Variants in BCL3 observed in about 807,000 individuals in gnomAD.
BCL3 encodes the protein BCL3 transcription coactivator.
BCL3 carries 15 observed loss-of-function variants against 35.7 expected under a neutral mutation model. The ratio of observed to expected loss-of-function variants is 0.42; its 90% CI spans 0.28 to 0.65. The LOEUF is 0.65. BCL3 is among the 30% of genes least tolerant of loss of function. The probability of loss-of-function intolerance (pLI) is 0.22; values close to 1 mark genes in which losing one functional copy is unlikely to be tolerated. For missense variants in BCL3, 565 were observed against 641.7 expected (o/e 0.88, Z 1.29); for synonymous variants, 311 against 284.3 (o/e 1.09, Z -0.95).
At chr19:44,751,094 G>A in intron 1 of BCL3, 133 bp from the exon 2 acceptor site, 1 of 1,185,482 alleles carries the variant, frequency 8.4e-7, no homozygotes, top group East Asian at 2.7e-5. Context: ...TGAGGACCCT[G>A]TATGGGATGC....
At chr19:44,750,737 C>T (rs921818807) in intron 1 of BCL3, among the ~76,000 whole-genome samples, 1 of 152,044 alleles carries the variant, frequency 6.6e-6, no homozygotes, top group Non-Finnish European at 1.5e-5. Flanking sequence ...GGGGCAAGAT[C>T]GTGCCACTGC....
At chr19:44,758,678 A>T (rs1186475502) in intron 7 of BCL3, 46 bp from the exon 8 acceptor site, 1 of 1,480,658 alleles carries the variant, frequency 6.8e-7, no homozygotes, top group East Asian at 2.4e-5. Context: ...GGGAGAGAGG[A>T]CTGTGAGGCA....
upstream of BCL3, chr19:44,748,543 G>C (rs1275099347): frequency 3.8e-6 from 1 of 264,728 alleles, no homozygotes; most frequent in Non-Finnish European, 5.9e-6. Flanking sequence ...AGCGGGGCGC[G>C]GCGCGGGCGG....
At chr19:44,749,285 G>T (rs1169179055) in intron 1 of BCL3, among the ~76,000 whole-genome samples, 1 of 16,046 alleles carries the variant, frequency 6.2e-5, no homozygotes, top group Non-Finnish European at 1.2e-4. Flanking sequence ...TGAGTGACGT[G>T]GGGGGGGGGG....
Position 44,759,703 on chromosome 19 carries a change from C to A in BCL3, c.*88C>A. ...CCTTCTGGAAACTGTGAAGATCTCA[C>A]TCTGCCCCCCCCCCCCATCTTCGGG... On this transcript the variant is annotated 3_prime_UTR_variant, in exon 9 of 9. Transcript: ENST00000164227. 6 of 693,188 alleles carry A rather than the reference C, an allele frequency of 8.7e-6. No homozygotes were observed. Among genetic ancestry groups the A allele is most frequent in the South Asian group, 1.9e-5 (1 of 51,824 alleles). 42.9% of individuals were successfully genotyped at this position (693,188 alleles called of 1,614,324 possible).
upstream of BCL3, chr19:44,748,053 C>G: frequency 7.4e-7 from 1 of 1,343,794 alleles, no homozygotes; most frequent in Non-Finnish European, 9.8e-7. Context: ...GTCCCTGCCC[C>G]GGGTGCGTCT....
In BCL3 at chr19:44,759,714, C is replaced by T. The variant is rs532823457; in HGVS notation, c.*99C>T. On this transcript the variant is annotated 3_prime_UTR_variant, in exon 9 of 9. Transcript: ENST00000164227. The stretch of plus-strand genomic sequence containing the variant: ...CTGTGAAGATCTCACTCTGCCCCCC[C>T]CCCCCATCTTCGGGACCAGGATTTG... 6.1e-6 allele frequency: 4 copies of T among 654,466 alleles called. No homozygotes were observed. Among genetic ancestry groups the T allele is most frequent in the Non-Finnish European group, 1.0e-5 (4 of 398,194 alleles). The allele number at this position is 654,466 out of a possible 1,614,324, so 40.5% of individuals were successfully genotyped here.
At position 44,757,628 on chromosome 19, in the gene BCL3, C is replaced by T; in HGVS notation, c.814-18C>T. 1 of 1,612,892 alleles carries T rather than the reference C, an allele frequency of 6.2e-7. No individual in the cohort carries two copies. Among genetic ancestry groups the T allele is most frequent in the Non-Finnish European group, 8.5e-7 (1 of 1,179,386 alleles). ...GAGCAGAGCTTGGAGAAACTAAGAC[C>T]TTCCCTCCCCGCCGCAGGACATTAA... On this transcript the variant is annotated intron_variant, in intron 5 of 8. Transcript: ENST00000164227. The surrounding 1 kb of genome is among the most constrained non-coding windows in gnomAD (Gnocchi z 8.4).
rs1967396295 is a variant in BCL3, at chr19:44,759,988, T to G, written c.*373T>G. ...GCCGTAACGGGCACGGATCACGATG[T>G]AAATTATTAAGCATTTTGGTTGGAT... On this transcript the variant is annotated 3_prime_UTR_variant, in exon 9 of 9. Coordinates refer to ENST00000164227, the MANE Select transcript of BCL3 (RefSeq NM_005178.5). The G allele has an allele frequency of 3.7e-6, 1 of 271,652 alleles. No individual in the cohort carries two copies. Among genetic ancestry groups the G allele is most frequent in the Non-Finnish European group, 6.9e-6 (1 of 145,356 alleles). 16.8% of individuals were successfully genotyped at this position (271,652 alleles called of 1,614,324 possible).
intron 2 of BCL3, among the ~76,000 whole-genome samples, chr19:44,754,920 A>G (rs182638883): frequency 6.6e-6 from 1 of 152,268 alleles, no homozygotes; most frequent in African/African-American, 2.4e-5. Flanking sequence ...CCAATTTGCA[A>G]CTCTGGCCCC....
upstream of BCL3, chr19:44,748,483 TCCC>T (rs1967108506): frequency 7.0e-6 from 1 of 142,688 alleles, no homozygotes; most frequent in Non-Finnish European, 1.5e-5. Flanking sequence ...TTCCTCTCCC[TCCC>T]CCGCCGAGGC....
chr19:44,758,159 G>A, intron 6 of BCL3, 87 bp from the exon 7 acceptor site: 1 of 1,342,348 alleles, frequency 7.4e-7, no homozygotes, highest in South Asian at 1.6e-5. Flanking sequence ...CGCCCCACGT[G>A]CCGGCCACCC....
chr19:44,749,605 C>T (rs1967138821), intron 1 of BCL3, among the ~76,000 whole-genome samples: 1 of 152,038 alleles, frequency 6.6e-6, no homozygotes, highest in South Asian at 2.1e-4. Flanking sequence ...CTGAGCACCC[C>T]AATATCTGGG....
chr19:44,755,966 T>C (rs1967271940), intron 2 of BCL3, among the ~76,000 whole-genome samples: 1 of 151,886 alleles, frequency 6.6e-6, no homozygotes, highest in African/African-American at 2.4e-5. Context: ...GGCTGTTGTG[T>C]GGGGGACAGA....
At chr19:44,747,978 C>T (rs929970950), upstream of BCL3, 2 of 1,315,606 alleles carry the variant, frequency 1.5e-6, no homozygotes, top group South Asian at 1.3e-5. Flanking sequence ...TGATGAGGCA[C>T]GTGGAGTGGC....
chr19:44,750,317 A>C (rs890411682), intron 1 of BCL3, among the ~76,000 whole-genome samples: 1 of 151,660 alleles, frequency 6.6e-6, no homozygotes, highest in African/African-American at 2.4e-5. Flanking sequence ...TTTTTGAGAC[A>C]GAGTTTTGTT....
intron 1 of BCL3, 26 bp downstream of exon 1, chr19:44,749,072 C>T (rs867059226): frequency 2.4e-6 from 3 of 1,243,112 alleles, no homozygotes; most frequent in African/African-American, 1.6e-5. Flanking sequence ...GGGTCCGGGC[C>T]GGGTGGGATC....
In BCL3 at chr19:44,758,423, G is replaced by C. The variant is rs1453654068; in HGVS notation, c.1059+10G>C. The stretch of plus-strand genomic sequence containing the variant: ...GGCGCGCAGCCGCAGGGTGAGCCGG[G>C]GCAGCTGTGGACATGCCCCTTGCAC... On this transcript the variant is annotated intron_variant, in intron 7 of 8. Transcript: ENST00000164227. 5.2e-6 allele frequency: 8 copies of C among 1,539,956 alleles called. No homozygotes were observed. The Admixed American group carries it at 1.6e-4, about 31-fold the overall frequency.
At chr19:44,758,700 A>G (rs1185007715) in intron 7 of BCL3, 24 bp from the exon 8 acceptor site, 21 of 1,562,908 alleles carry the variant, frequency 1.3e-5, no homozygotes, top group East Asian at 2.3e-5. Context: ...GGGTGGCTCT[A>G]TGGTCACGCC....
Sources: gnomAD v4.1 joint callset for allele counts (sites outside exome capture counted in the v4.1 genomes callset) on GRCh38, gnomAD v4.1.1 for gene constraint, Gnocchi (gnomAD v3.1) non-coding constraint, MANE v1.5 for transcripts, NCBI Gene and HGNC (gene_info 2026-07-23, HGNC 2026-07-21) for gene names.